The following MMP26 variants were observed in gnomAD, a reference collection of about 807,000 sequenced individuals.
The protein encoded by MMP26 is matrix metalloproteinase-26.
A neutral mutation model predicts 31.0 loss-of-function variants in MMP26; 33 were observed. That is an observed-to-expected ratio of 1.06 (90% CI 0.81 to 1.42). The LOEUF (loss-of-function observed/expected upper bound fraction) is 1.42, where lower values mean the gene tolerates loss of function less well. MMP26 is among the 40% of genes most tolerant of loss of function. The probability of loss-of-function intolerance (pLI) is 0.00; values close to 1 mark genes in which losing one functional copy is unlikely to be tolerated. For synonymous variants in MMP26, 122 were observed against 114.9 expected (o/e 1.06, Z -0.40); for missense variants, 347 against 316.1 (o/e 1.10, Z -0.74).
intron 1 of MMP26, chr11:4,723,053 A>G (rs945491576): frequency 6.5e-5 from 76 of 1,166,438 alleles, no homozygotes; most frequent in African/African-American, 5.0e-4. Context: ...TTTGACTTTC[A>G]TCAGCTCCTG....
intron 1 of MMP26, among the ~76,000 whole-genome samples, chr11:4,757,173 C>G (rs1053670589): frequency 6.6e-6 from 1 of 151,904 alleles, no homozygotes; most frequent in African/African-American, 2.4e-5. Context: ...ATTTAAACAC[C>G]TACATTATAG....
At chr11:4,918,513 A>G (rs1224120323) in intron 2 of MMP26, among the ~76,000 whole-genome samples, 1 of 152,164 alleles carries the variant, frequency 6.6e-6, no homozygotes, top group Non-Finnish European at 1.5e-5. Flanking sequence ...TAATGATGCC[A>G]GGAGATATCT....
At chr11:4,705,923 G>A (rs992226161) in intron 1 of MMP26, among the ~76,000 whole-genome samples, 2 of 150,848 alleles carry the variant, frequency 1.3e-5, no homozygotes, top group African/African-American at 4.9e-5. Flanking sequence ...GGGAGGAGTA[G>A]GTGATTGTGC....
At chr11:4,858,058 T>G (rs907774997) in intron 2 of MMP26, among the ~76,000 whole-genome samples, 3 of 152,124 alleles carry the variant, frequency 2.0e-5, no homozygotes, top group Non-Finnish European at 2.9e-5. Flanking sequence ...ATAAACTAGG[T>G]GTCGATGGGA....
At chr11:4,724,021 C>G (rs1306493077) in intron 1 of MMP26, 2 of 683,732 alleles carry the variant, frequency 2.9e-6, no homozygotes, top group Admixed American at 4.3e-5. Context: ...ATAACCTCCA[C>G]CCAGGCTACC....
chr11:4,804,029 G>A, intron 2 of MMP26: 1 of 1,613,988 alleles, frequency 6.2e-7, no homozygotes, highest in Non-Finnish European at 8.5e-7. Context: ...ATAGCCATGA[G>A]CACCCCAGAC....
At chr11:4,963,218 G>T (rs935278284) in intron 2 of MMP26, among the ~76,000 whole-genome samples, 1 of 151,930 alleles carries the variant, frequency 6.6e-6, no homozygotes, top group Non-Finnish European at 1.5e-5. Flanking sequence ...CAAACCACTG[G>T]TCAAGGAAAT....
At chr11:4,857,322 C>T (rs1306956082) in intron 2 of MMP26, among the ~76,000 whole-genome samples, 3 of 151,860 alleles carry the variant, frequency 2.0e-5, no homozygotes, top group Non-Finnish European at 4.4e-5. Context: ...AATTGATAGA[C>T]TGCTAGCAAG....
chr11:4,925,504 G>T (rs1346683486), intron 2 of MMP26, among the ~76,000 whole-genome samples: 1 of 152,062 alleles, frequency 6.6e-6, no homozygotes, highest in East Asian at 1.9e-4. Flanking sequence ...AATTTCTGGG[G>T]AGAGGGTCTA....
At chr11:4,939,130 G>C (rs72858192) in intron 2 of MMP26, among the ~76,000 whole-genome samples, 1 of 152,118 alleles carries the variant, frequency 6.6e-6, no homozygotes, top group Non-Finnish European at 1.5e-5. Flanking sequence ...TTATTTTCCT[G>C]ATTTATTATT....
chr11:4,925,339 T>A (rs1476694141), intron 2 of MMP26, among the ~76,000 whole-genome samples: 1 of 152,252 alleles, frequency 6.6e-6, no homozygotes, highest in Non-Finnish European at 1.5e-5. Context: ...ATTAAAAAAA[T>A]TAAATTTAAA....
Position 4,955,214 on chromosome 11 carries a change from C to G in MMP26, c.-144-32854C>G, listed in dbSNP as rs117546301. 5.9e-6 allele frequency: 7 copies of G among 1,190,668 alleles called. 2 individuals are homozygous for G. In the African/African-American group the frequency reaches 8.9e-5, roughly 15 times the overall value. The allele number at this position is 1,190,668 out of a possible 1,614,324, so 73.8% of individuals were successfully genotyped here. A position where few individuals can be genotyped will look rare whatever the true frequency, so the allele number is the denominator to read the frequency against. On this transcript the variant is annotated intron_variant, in intron 2 of 7. Coordinates refer to ENST00000380390, the MANE Select transcript of MMP26 (RefSeq NM_021801.5). ...TTGGTTTTTCTTGCAATATCTCAAG[C>G]TTCTTAAAGTGAAAGGGAAGGGAAG...
At position 4,790,069 on chromosome 11, in the gene MMP26, C is replaced by T. The variant is rs114702866; in HGVS notation, c.-145+22728C>T. On this transcript the variant is annotated intron_variant, in intron 2 of 7. Transcript: ENST00000380390. Reference sequence around the variant, plus strand: ...ATTTAAGAAGCAATTAGGCCAGGTACGGTAGCTCACGCCTGTAATCCCAGC... The same window carrying T: ...ATTTAAGAAGCAATTAGGCCAGGTATGGTAGCTCACGCCTGTAATCCCAGC... Among the ~76,000 whole-genome samples, 587 of 152,122 alleles carry T rather than the reference C, an allele frequency of 3.9e-3. 2 individuals carry two copies. Among genetic ancestry groups the T allele is most frequent in the African/African-American group, 0.013 (537 of 41,534 alleles).
intron 2 of MMP26, among the ~76,000 whole-genome samples, chr11:4,841,634 T>C (rs930958509): frequency 6.6e-6 from 1 of 152,114 alleles, no homozygotes; most frequent in Non-Finnish European, 1.5e-5. Context: ...ACCAGACCTG[T>C]TCTATAAGAA....
At chr11:4,979,575 T>C (rs1486138921) in intron 2 of MMP26, among the ~76,000 whole-genome samples, 2 of 152,090 alleles carry the variant, frequency 1.3e-5, no homozygotes, top group East Asian at 1.9e-4. Context: ...TTCTATGAAA[T>C]TGCCTCCAAA....
In MMP26 at chr11:4,923,436, G is replaced by A. The variant is rs144243455; in HGVS notation, c.-144-64632G>A. 8,427 of 1,599,434 alleles carry A rather than the reference G, an allele frequency of 5.3e-3. 46 individuals are homozygous for A. Among genetic ancestry groups the A allele is most frequent in the South Asian group, 0.011 (1,011 of 89,432 alleles). ...TGAAACTTCTTAATGATGCGCTGGC[G>A]AATTTGCTTGGTCTTGATGCTGTAG... On this transcript the variant is annotated intron_variant, in intron 2 of 7. Transcript: ENST00000380390.
intron 2 of MMP26, among the ~76,000 whole-genome samples, chr11:4,806,134 A>G (rs1201835940): frequency 6.6e-6 from 1 of 152,158 alleles, no homozygotes; most frequent in Non-Finnish European, 1.5e-5. Context: ...GGAGTGCTTT[A>G]ATTCCAACTA....
chr11:4,782,482 G>A (rs1313120756), intron 2 of MMP26, among the ~76,000 whole-genome samples: 1 of 152,172 alleles, frequency 6.6e-6, no homozygotes, highest in Admixed American at 6.5e-5. Context: ...TGCTGCTGAA[G>A]GCATTCAATT....
chr11:4,769,394 G>C (rs200200884), intron 2 of MMP26: 53 of 1,613,926 alleles, frequency 3.3e-5, no homozygotes, highest in Non-Finnish European at 6.8e-6. Context: ...GTGAGAAAGG[G>C]CATTCATTCT....
Sources: allele counts gnomAD v4.1 joint callset (sites outside exome capture counted in the v4.1 genomes callset), GRCh38; gene constraint gnomAD v4.1.1; transcripts MANE v1.5; gene names NCBI Gene and HGNC (gene_info 2026-07-23, HGNC 2026-07-21).